The following RBKS variants were observed in gnomAD, a reference collection of about 807,000 sequenced individuals.
RBKS encodes ribokinase.
RBKS carries 33 observed loss-of-function variants against 33.9 expected under a neutral mutation model. The observed-to-expected ratio is 0.97, with a 90% CI of 0.74 to 1.30. RBKS has a LOEUF of 1.30. RBKS is among the 50% of genes most tolerant of loss of function. RBKS has a pLI of 0.00. For missense variants in RBKS, 361 were observed against 392.6 expected, an observed-to-expected ratio of 0.92 and a Z score of 0.68; for synonymous variants, 125 against 143.0, an observed-to-expected ratio of 0.87 and a Z score of 0.90.
intron 7 of RBKS, among the ~76,000 whole-genome samples, chr2:27,801,963 A>AAATATATAT (rs1308232858): frequency 6.3e-5 from 3 of 47,612 alleles, no homozygotes; most frequent in Admixed American, 2.7e-4. Context: ...AAAAAAAAAA[A>AAATATATAT]ATATATATAT....
rs13386756 is a variant in RBKS at position 27,795,798 on chromosome 2, T to C, written c.796-14010A>G. On this transcript the variant is annotated intron_variant, in intron 7 of 7. Transcript: ENST00000302188. This position sits in a 1 kb window ranked among gnomAD's most constrained non-coding sequence, Gnocchi z 4.1. ...GAAATCAAGCTGAAAAGAGTCTCCCTCCCTTTTGACATCCTGTAATCCCTT... is the reference window on the plus strand; with the variant it reads ...GAAATCAAGCTGAAAAGAGTCTCCCCCCCTTTTGACATCCTGTAATCCCTT... 6.6e-6 allele frequency among the ~76,000 whole-genome samples: 1 copy of C among 152,200 alleles called. No individual in the cohort carries two copies. The highest frequency in any genetic ancestry group is 1.5e-5 in the Non-Finnish European group (1 of 68,028).
At chr2:27,823,412 C>T (rs1202655712) in intron 7 of RBKS, among the ~76,000 whole-genome samples, 1 of 152,148 alleles carries the variant, frequency 6.6e-6, no homozygotes, top group Admixed American at 6.5e-5. Flanking sequence ...GGACAACATG[C>T]CAACTAAAGA....
At chr2:27,886,948 C>A (rs1664542893) in intron 1 of RBKS, among the ~76,000 whole-genome samples, 1 of 152,100 alleles carries the variant, frequency 6.6e-6, no homozygotes, top group South Asian at 2.1e-4. Flanking sequence ...TTTTTTACTT[C>A]AAGCTTAACC....
chr2:27,809,028 TATA>T (rs1012319957), intron 7 of RBKS, among the ~76,000 whole-genome samples: 1 of 152,264 alleles, frequency 6.6e-6, no homozygotes, highest in African/African-American at 2.4e-5. Flanking sequence ...CTGTTTTGCT[TATA>T]ATAATGTAAA....
At chr2:27,786,131 A>G (rs1277143992) in intron 7 of RBKS, among the ~76,000 whole-genome samples, 6 of 152,226 alleles carry the variant, frequency 3.9e-5, no homozygotes, top group African/African-American at 1.2e-4. Context: ...ATACCTATCT[A>G]TATGAGCATA....
At chr2:27,802,361 T>G (rs1434156156) in intron 7 of RBKS, among the ~76,000 whole-genome samples, 1 of 152,014 alleles carries the variant, frequency 6.6e-6, no homozygotes, top group Non-Finnish European at 1.5e-5. Context: ...GCATTTTCTA[T>G]TAATTATATT....
chr2:27,785,309 A>G (rs758315980), intron 7 of RBKS, among the ~76,000 whole-genome samples: 2 of 152,224 alleles, frequency 1.3e-5, no homozygotes, highest in Non-Finnish European at 2.9e-5. Context: ...AAATCCTTGC[A>G]ATACATGTAA....
At chr2:27,797,296 G>A (rs978624344) in intron 7 of RBKS, among the ~76,000 whole-genome samples, 1 of 152,200 alleles carries the variant, frequency 6.6e-6, no homozygotes, top group Non-Finnish European at 1.5e-5. Flanking sequence ...GCCACGGCCA[G>A]CTCACCAAGC....
At chr2:27,802,469 G>T (rs1334115391) in intron 7 of RBKS, among the ~76,000 whole-genome samples, 1 of 151,400 alleles carries the variant, frequency 6.6e-6, no homozygotes, top group Non-Finnish European at 1.5e-5. Flanking sequence ...TGTGTACGTG[G>T]TATAAAAATT....
chr2:27,888,543 C>G (rs1664600994), intron 1 of RBKS, among the ~76,000 whole-genome samples: 1 of 152,190 alleles, frequency 6.6e-6, no homozygotes, highest in Non-Finnish European at 1.5e-5. Flanking sequence ...CTTTATGTAA[C>G]TCAACTTTAT....
intron 7 of RBKS, among the ~76,000 whole-genome samples, chr2:27,801,478 C>G (rs1425621084): frequency 6.8e-6 from 1 of 146,410 alleles, no homozygotes; most frequent in African/African-American, 2.5e-5. Context: ...CACACACACA[C>G]ACACACACAC....
chr2:27,848,221 T>C (rs1663661465), intron 2 of RBKS, 124 bp from the exon 3 acceptor site: 1 of 558,114 alleles, frequency 1.8e-6, no homozygotes, highest in Admixed American at 3.9e-5. Context: ...CATTAACTAA[T>C]TAATCTTCTT....
At chr2:27,861,658 C>CT (rs1370262386) in intron 1 of RBKS, 12 of 317,676 alleles carry the variant, frequency 3.8e-5, no homozygotes, top group East Asian at 1.8e-4. Flanking sequence ...TGTTCCATTT[C>CT]TTTTTGGGGG....
chr2:27,833,665 T>C (rs1342203399), intron 5 of RBKS, among the ~76,000 whole-genome samples: 1 of 152,238 alleles, frequency 6.6e-6, no homozygotes, highest in Non-Finnish European at 1.5e-5. Context: ...GGGGCCTCTC[T>C]AGGCCAGGAC....
intron 7 of RBKS, among the ~76,000 whole-genome samples, chr2:27,799,852 C>T (rs1037414400): frequency 6.6e-6 from 1 of 152,180 alleles, no homozygotes; most frequent in South Asian, 2.1e-4. Context: ...GCTCTGCGCT[C>T]TCTTCCAAGT....
intron 7 of RBKS, among the ~76,000 whole-genome samples, chr2:27,796,955 A>G (rs1029993588): frequency 4.6e-5 from 7 of 151,994 alleles, no homozygotes; most frequent in African/African-American, 1.7e-4. Context: ...GCCCTTGACT[A>G]TGGCCATGGG....
At chr2:27,842,230 T>C (rs529657047) in intron 5 of RBKS, among the ~76,000 whole-genome samples, 31 of 152,190 alleles carry the variant, frequency 2.0e-4, no homozygotes, top group African/African-American at 5.8e-4. Context: ...TTTAAAAAGT[T>C]TGTTATTTGC....
chr2:27,827,840 T>C (rs1273702125), intron 6 of RBKS, 85 bp from the exon 7 acceptor site: 1 of 1,211,884 alleles, frequency 8.3e-7, no homozygotes, highest in Admixed American at 3.4e-5. Context: ...AGAAAATGTC[T>C]CCCTTCTTTT....
chr2:27,798,738 CTCCTATTCACTTAAGGAACTTACTTCT>C (rs908743241), intron 7 of RBKS, among the ~76,000 whole-genome samples: 1 of 152,190 alleles, frequency 6.6e-6, no homozygotes, highest in Non-Finnish European at 1.5e-5. Flanking sequence ...CTCTTACTTC[CTCCTATTCACTTAAGGAACTTACTTCT>C]TCCTATTCAC....
Sources: allele counts gnomAD v4.1 joint callset (sites outside exome capture counted in the v4.1 genomes callset), GRCh38; gene constraint gnomAD v4.1.1; non-coding constraint Gnocchi (gnomAD v3.1); transcripts MANE v1.5; gene names NCBI Gene and HGNC (gene_info 2026-07-23, HGNC 2026-07-21).